GNA13: variants seen among roughly 807,000 people sequenced by gnomAD.
GNA13 encodes G protein subunit alpha 13, also known as guanine nucleotide-binding protein subunit alpha-13.
A neutral mutation model predicts 33.5 loss-of-function variants in GNA13; 4 were observed. The ratio of observed to expected loss-of-function variants is 0.12; its 90% CI spans 0.06 to 0.27. GNA13 has a LOEUF of 0.27. Among genes scored for constraint, GNA13 ranks in the 10% least tolerant of loss-of-function variants. The pLI is 1.00. For synonymous variants in GNA13, 176 were observed against 183.8 expected (o/e 0.96, Z 0.34); for missense variants, 319 against 487.2 (o/e 0.65, Z 3.25).
chr17:65,025,506 T>C (rs1336320123), intron 2 of GNA13, among the ~76,000 whole-genome samples: 1 of 152,202 alleles, frequency 6.6e-6, no homozygotes, highest in Non-Finnish European at 1.5e-5. Context: ...AGATGTAACA[T>C]TACTGAACGT....
chr17:65,034,944 C>A (rs1165034529), intron 2 of GNA13, among the ~76,000 whole-genome samples: 1 of 152,158 alleles, frequency 6.6e-6, no homozygotes, highest in Non-Finnish European at 1.5e-5. Flanking sequence ...TAACACCACG[C>A]CTGGCTAATT....
chr17:65,018,440 C>A, intron 2 of GNA13, 137 bp from the exon 3 acceptor site: 1 of 639,848 alleles, frequency 1.6e-6, no homozygotes, highest in South Asian at 1.9e-5. Flanking sequence ...GACAGCTAAC[C>A]TTCCTAAAAA....
intron 2 of GNA13, among the ~76,000 whole-genome samples, chr17:65,021,375 A>G (rs1481759067): frequency 6.6e-6 from 1 of 152,260 alleles, no homozygotes. Context: ...CTTCACAACA[A>G]TAATTTGTTA....
At chr17:65,037,424 G>A (rs1222358599) in intron 2 of GNA13, among the ~76,000 whole-genome samples, 6 of 152,144 alleles carry the variant, frequency 3.9e-5, no homozygotes, top group African/African-American at 1.4e-4. Flanking sequence ...GCCATAGTCA[G>A]CATATCCAAC....
intron 1 of GNA13, 62 bp downstream of exon 1, chr17:65,056,248 CG>C: frequency 3.8e-6 from 4 of 1,063,998 alleles, no homozygotes; most frequent in East Asian, 3.1e-5. Context: ...TGCCCCGCCC[CG>C]CACCCGCCGC....
At chr17:65,033,200 T>C (rs1907113712) in intron 2 of GNA13, among the ~76,000 whole-genome samples, 1 of 151,992 alleles carries the variant, frequency 6.6e-6, no homozygotes, top group Non-Finnish European at 1.5e-5. Flanking sequence ...TAGAGCATAG[T>C]TAGGCTGGAC....
At chr17:65,033,497 A>G (rs1392725050) in intron 2 of GNA13, among the ~76,000 whole-genome samples, 1 of 151,806 alleles carries the variant, frequency 6.6e-6, no homozygotes, top group Non-Finnish European at 1.5e-5. Context: ...TAAAAAAAAT[A>G]ATTAAAAAAA....
intron 2 of GNA13, among the ~76,000 whole-genome samples, chr17:65,029,191 G>T (rs938690880): frequency 1.3e-5 from 2 of 152,166 alleles, no homozygotes; most frequent in African/African-American, 4.8e-5. Context: ...AGCATGTCTC[G>T]TGTTTGAAGT....
chr17:65,053,591 C>T lies in GNA13; in HGVS notation c.421G>A (p.Val141Ile), dbSNP rs116700192. The T allele has an allele frequency of 2.5e-3, 4,036 of 1,613,798 alleles. 78 individuals carry two copies. The African/African-American group carries it at 0.047, about 19-fold the overall frequency. The change falls in exon 2 of 4, where the codon GTT (valine) becomes ATT (isoleucine). Residue 141 changes from valine to isoleucine, a missense_variant. Val to Ile is a conservative substitution (Grantham distance 29, BLOSUM62 3). This residue lies in a region of GNA13 where 136 missense variants were observed against 159.3 expected (regional missense o/e 0.85). Transcript: ENST00000439174. ...MAAQGMVETR[V>I]FLQYLPAIRA... ...ATAGCAGGAAGATATTGTAAGAAAACCCTTGTTTCCACCATTCCTTGGGCT... is the reference window on the plus strand; with the variant it reads ...ATAGCAGGAAGATATTGTAAGAAAATCCTTGTTTCCACCATTCCTTGGGCT...
chr17:65,033,938 A>G (rs2143800912), intron 2 of GNA13, among the ~76,000 whole-genome samples: 1 of 135,108 alleles, frequency 7.4e-6, no homozygotes, highest in Middle Eastern at 4.0e-3. Flanking sequence ...ACTTGAACTC[A>G]GGAGGCGGAG....
chr17:65,032,551 A>C (rs1389129253), intron 2 of GNA13, among the ~76,000 whole-genome samples: 1 of 152,136 alleles, frequency 6.6e-6, no homozygotes, highest in Admixed American at 6.5e-5. Flanking sequence ...TTCTCCCTTT[A>C]ATTTTTATTT....
intron 2 of GNA13, among the ~76,000 whole-genome samples, chr17:65,037,791 A>AAAAAAAAAAAAAG (rs1567824027): frequency 6.7e-6 from 1 of 149,714 alleles, no homozygotes; most frequent in Non-Finnish European, 1.5e-5. Flanking sequence ...AAAAAAAAAA[A>AAAAAAAAAAAAAG]AAAAAAAAAG....
chr17:65,036,658 A>T (rs1907261844), intron 2 of GNA13, among the ~76,000 whole-genome samples: 1 of 152,242 alleles, frequency 6.6e-6, no homozygotes, highest in African/African-American at 2.4e-5. Context: ...GTGAGCCTAC[A>T]TCGTGCCACT....
At position 65,053,395 on chromosome 17, in the gene GNA13, C is replaced by G. The variant is rs1907923523; in HGVS notation, c.510+107G>C. 2.8e-6 allele frequency: 2 copies of G among 721,396 alleles called. 1 individual carries two copies. The highest frequency in any genetic ancestry group is 3.2e-5 in the South Asian group (2 of 61,670). 44.7% of individuals were successfully genotyped at this position (721,396 alleles called of 1,614,324 possible). On this transcript the variant is annotated intron_variant, in intron 2 of 3. Transcript: ENST00000439174. Reference sequence around the variant, plus strand: ...TCAGTCTGTTCCTCCATCTCAAATACTTTTAGATTTGGGAACATTTCGAAT... The same window carrying G: ...TCAGTCTGTTCCTCCATCTCAAATAGTTTTAGATTTGGGAACATTTCGAAT...
At chr17:65,056,278 CTT>C in intron 1 of GNA13, 31 bp downstream of exon 1, 3 of 1,511,428 alleles carry the variant, frequency 2.0e-6, no homozygotes, top group African/African-American at 2.7e-5. Flanking sequence ...CCCCCCTGCC[CTT>C]AACCCCCGGC....
At chr17:65,048,294 A>C (rs2143825450) in intron 2 of GNA13, among the ~76,000 whole-genome samples, 1 of 151,678 alleles carries the variant, frequency 6.6e-6, no homozygotes, top group Non-Finnish European at 1.5e-5. Context: ...CATATCTCCA[A>C]TTGTATCATC....
chr17:65,030,648 C>CAT, intron 2 of GNA13, among the ~76,000 whole-genome samples: 1 of 152,114 alleles, frequency 6.6e-6, no homozygotes, highest in Middle Eastern at 3.4e-3. Context: ...TAAGAATGTA[C>CAT]GTAAATGGCA....
intron 2 of GNA13, among the ~76,000 whole-genome samples, chr17:65,040,189 T>G (rs908140618): frequency 2.0e-5 from 3 of 152,108 alleles, no homozygotes; most frequent in Admixed American, 1.3e-4. Flanking sequence ...AACACCAACT[T>G]TAAAATTGGT....
chr17:65,041,032 AAAT>A (rs1170638429), intron 2 of GNA13, among the ~76,000 whole-genome samples: 1 of 152,212 alleles, frequency 6.6e-6, no homozygotes, highest in Non-Finnish European at 1.5e-5. Flanking sequence ...CATGATGCTT[AAAT>A]AAAAATCACA....
Sources: gnomAD v4.1 joint callset for allele counts (sites outside exome capture counted in the v4.1 genomes callset) on GRCh38, gnomAD v4.1.1 for gene constraint, gnomAD v4.1.1 regional missense constraint, MANE v1.5 for transcripts, NCBI Gene and HGNC (gene_info 2026-07-23, HGNC 2026-07-21) for gene names.